Variants in NRXN1 observed in about 807,000 individuals in gnomAD.
NRXN1 encodes neurexin 1.
In NRXN1, 39 loss-of-function variants were observed where a neutral mutation model predicts 150.9. That is an observed-to-expected ratio of 0.26 (90% CI 0.20 to 0.34). The LOEUF (loss-of-function observed/expected upper bound fraction) is 0.34, where lower values mean the gene tolerates loss of function less well. Among genes scored for constraint, NRXN1 ranks in the 10% least tolerant of loss-of-function variants. The pLI is 1.00. For missense variants in NRXN1, 1,815 were observed against 1,949.9 expected, an observed-to-expected ratio of 0.93 and a Z score of 1.30; for synonymous variants, 924 against 757.0, an observed-to-expected ratio of 1.22 and a Z score of -3.62.
intron 17 of NRXN1, among the ~76,000 whole-genome samples, chr2:50,384,789 T>C (rs552235333): frequency 1.3e-5 from 2 of 152,182 alleles, no homozygotes; most frequent in Non-Finnish European, 2.9e-5. Flanking sequence ...TACAACCCTG[T>C]CTTGCATCTC....
intron 19 of NRXN1, among the ~76,000 whole-genome samples, chr2:50,072,154 A>T (rs954525643): frequency 1.3e-4 from 20 of 152,206 alleles, no homozygotes; most frequent in Non-Finnish European, 2.8e-4. Flanking sequence ...AAGAAAACAA[A>T]GTATTTTCTA....
At position 50,281,934 on chromosome 2, in the gene NRXN1, T is replaced by A. The variant is rs148770197; in HGVS notation, c.3365-44964A>T. Among the ~76,000 whole-genome samples, 268 of 152,262 alleles carry A rather than the reference T, an allele frequency of 1.8e-3. 1 individual carries two copies. The highest frequency in any genetic ancestry group is 5.7e-3 in the African/African-American group (237 of 41,542). ...AGACAGAGTTTTAAACTCTATATAT[T>A]TGGTCTTGAGAAAAAATTTTATTAA... On this transcript the variant is annotated intron_variant, in intron 17 of 22. Coordinates refer to ENST00000401669, the MANE Select transcript of NRXN1 (RefSeq NM_001330078.2).
chr2:50,264,818 G>T (rs531229130), intron 17 of NRXN1, among the ~76,000 whole-genome samples: 6 of 152,194 alleles, frequency 3.9e-5, no homozygotes, highest in African/African-American at 1.4e-4. Flanking sequence ...GAGACAAGAA[G>T]TGGGAACAAG....
intron 17 of NRXN1, among the ~76,000 whole-genome samples, chr2:50,246,226 T>C (rs992671993): frequency 1.3e-5 from 2 of 152,034 alleles, no homozygotes; most frequent in Non-Finnish European, 2.9e-5. Context: ...TTCTAAATTG[T>C]GGACCAAAGC....
chr2:50,663,676 C>T (rs933516669), intron 5 of NRXN1, among the ~76,000 whole-genome samples: 1 of 151,980 alleles, frequency 6.6e-6, no homozygotes, highest in African/African-American at 2.4e-5. Flanking sequence ...AATTTCAATT[C>T]ATTCTGGGTT....
At chr2:50,561,560 TA>T (rs1558939637) in intron 8 of NRXN1, among the ~76,000 whole-genome samples, 1 of 152,004 alleles carries the variant, frequency 6.6e-6, no homozygotes, top group African/African-American at 2.4e-5. Context: ...AATTTTGTGT[TA>T]AAAAAGAAAA....
At chr2:50,351,298 A>G (rs2078394476) in intron 17 of NRXN1, among the ~76,000 whole-genome samples, 2 of 152,214 alleles carry the variant, frequency 1.3e-5, no homozygotes, top group South Asian at 2.1e-4. Flanking sequence ...CTGTACCCCA[A>G]GAGTGTCAGT....
intron 5 of NRXN1, among the ~76,000 whole-genome samples, chr2:50,803,855 T>C (rs1667150927): frequency 6.6e-6 from 1 of 152,198 alleles, no homozygotes; most frequent in South Asian, 2.1e-4. Flanking sequence ...CTTCTGATTC[T>C]CTTGATGATA....
At chr2:50,110,360 C>T (rs1473738841) in intron 18 of NRXN1, among the ~76,000 whole-genome samples, 13 of 151,756 alleles carry the variant, frequency 8.6e-5, no homozygotes, top group Admixed American at 8.5e-4. Context: ...GGTGTCGTGG[C>T]AGGTGCCTGT....
Position 50,242,117 on chromosome 2 carries a change from G to T in NRXN1, c.3365-5147C>A, listed in dbSNP as rs181201537. Among the ~76,000 whole-genome samples, 813 of 151,846 alleles carry T rather than the reference G, an allele frequency of 5.4e-3. 6 individuals are homozygous for T. The highest frequency in any genetic ancestry group is 0.019 in the African/African-American group (787 of 41,506). On this transcript the variant is annotated intron_variant, in intron 17 of 22. Transcript: ENST00000401669. ...ATGTTTCTATTAATAAATGTAACAG[G>T]AATATAACACTTCCTTCAGTGAAAG...
At chr2:50,287,194 T>C (rs1489219900) in intron 17 of NRXN1, among the ~76,000 whole-genome samples, 1 of 152,154 alleles carries the variant, frequency 6.6e-6, no homozygotes, top group Non-Finnish European at 1.5e-5. Context: ...ATGTTTTGTG[T>C]ACCTAGGTCT....
intron 17 of NRXN1, among the ~76,000 whole-genome samples, chr2:50,447,739 A>T (rs4276063): frequency 0.12 from 1,953 of 16,176 alleles, 213 homozygotes; most frequent in East Asian, 0.48. Flanking sequence ...GGGGAACGTT[A>T]TATATATATA....
intron 17 of NRXN1, among the ~76,000 whole-genome samples, chr2:50,431,362 A>C (rs1186699633): frequency 9.9e-5 from 15 of 150,904 alleles, no homozygotes; most frequent in Admixed American, 9.9e-4. Flanking sequence ...TACTTTAAAA[A>C]CTCCCTTGGT....
chr2:50,296,246 A>G (rs2073544593), intron 17 of NRXN1, among the ~76,000 whole-genome samples: 1 of 152,194 alleles, frequency 6.6e-6, no homozygotes, highest in Admixed American at 6.5e-5. Context: ...TCACTTATCC[A>G]TCTGACTCTC....
intron 21 of NRXN1, among the ~76,000 whole-genome samples, chr2:50,004,676 G>C (rs1304796636): frequency 6.6e-6 from 1 of 152,128 alleles, no homozygotes; most frequent in Non-Finnish European, 1.5e-5. Flanking sequence ...ACAACCTGAA[G>C]GTAGGCCGAA....
intron 2 of NRXN1, among the ~76,000 whole-genome samples, chr2:51,018,668 C>G (rs930283474): frequency 1.3e-5 from 2 of 152,038 alleles, no homozygotes; most frequent in Non-Finnish European, 2.9e-5. Flanking sequence ...CTCAGCAACT[C>G]TCATTATTTA....
intron 21 of NRXN1, among the ~76,000 whole-genome samples, chr2:49,956,608 C>T (rs1674999692): frequency 6.6e-6 from 1 of 152,074 alleles, no homozygotes; most frequent in Admixed American, 6.6e-5. Context: ...GGAGCAAATG[C>T]TGTTTGACTC....
intron 8 of NRXN1, among the ~76,000 whole-genome samples, chr2:50,597,757 A>G (rs1429439238): frequency 1.3e-5 from 2 of 152,202 alleles, no homozygotes; most frequent in Non-Finnish European, 2.9e-5. Flanking sequence ...TCAGTGTTCA[A>G]TAAATGTTTG....
intron 17 of NRXN1, among the ~76,000 whole-genome samples, chr2:50,365,553 C>G (rs2079525492): frequency 6.6e-6 from 1 of 152,024 alleles, no homozygotes; most frequent in South Asian, 2.1e-4. Flanking sequence ...AAAAAGTCTT[C>G]ATAGCTAAAT....
Sources: allele counts gnomAD v4.1 joint callset (sites outside exome capture counted in the v4.1 genomes callset), GRCh38; gene constraint gnomAD v4.1.1; transcripts MANE v1.5; gene names NCBI Gene and HGNC (gene_info 2026-07-23, HGNC 2026-07-21).